PSAP: variants seen among roughly 807,000 people sequenced by gnomAD.
PSAP encodes precursor of saposins.
Under a neutral mutation model 66.0 loss-of-function variants are expected in PSAP, and 25 were observed. The ratio of observed to expected loss-of-function variants is 0.38; its 90% CI spans 0.28 to 0.53. The LOEUF (loss-of-function observed/expected upper bound fraction) is 0.53, where lower values mean the gene tolerates loss of function less well. Among genes scored for constraint, PSAP ranks in the 20% least tolerant of loss-of-function variants. The pLI is 0.83. For synonymous variants in PSAP, 273 were observed against 258.9 expected (o/e 1.05, Z -0.52); for missense variants, 649 against 668.8 (o/e 0.97, Z 0.33).
intron 11 of PSAP, 134 bp downstream of exon 11, chr10:71,819,331 C>G: frequency 7.3e-7 from 1 of 1,364,782 alleles, no homozygotes. Flanking sequence ...AACAAATCAC[C>G]TCCAAGTAAA....
In PSAP at chr10:71,822,135, C is replaced by A. The variant is rs565578366; in HGVS notation, c.778-128G>T. 8.1e-5 allele frequency: 105 copies of A among 1,291,282 alleles called. 2 individuals carry two copies. The South Asian group carries it at 1.2e-3, about 15-fold the overall frequency. The allele number at this position is 1,291,282 out of a possible 1,614,324, so 80.0% of individuals were successfully genotyped here. A position where few individuals can be genotyped will look rare whatever the true frequency, so the allele number is the denominator to read the frequency against. On this transcript the variant is annotated intron_variant, in intron 7 of 13. Transcript: ENST00000394936. ...AGGTCAAGGCTACCTCCCTCTCCCC[C>A]TCCCACAACGGGGCAGATTCCAGTT... is the stretch of plus-strand genomic sequence containing the variant.
Position 71,819,459 on chromosome 10 carries a change from G to A in PSAP, c.1350+6C>T, listed in dbSNP as rs1350157412. 1 of 1,614,016 alleles carries A rather than the reference G, an allele frequency of 6.2e-7. No individual in the cohort carries two copies. Among genetic ancestry groups the A allele is most frequent in the South Asian group, 1.1e-5 (1 of 91,088 alleles). ...CTGGCCTACCGCAGCCCAGCCCGGG[G>A]CGTACCTGCTTCTGGTAAGGGTCTG... On this transcript the variant is annotated splice_donor_region_variant and intron_variant, in intron 11 of 13. Transcript: ENST00000394936.
At position 71,836,444 on chromosome 10, in the gene PSAP, T is replaced by C. The variant is rs562101579; in HGVS notation, c.41-1939A>G. Among the ~76,000 whole-genome samples the C allele has an allele frequency of 4.6e-5, 7 of 152,220 alleles. No homozygotes were observed. In the South Asian group the frequency reaches 1.4e-3, roughly 32 times the overall value. On this transcript the variant is annotated intron_variant, in intron 1 of 13. Transcript: ENST00000394936. ...ACAGCACAAATAGGAACCCCAGACCTGATGACTCCCACCACACCCTAGCAG... is the reference window on the plus strand; with the variant it reads ...ACAGCACAAATAGGAACCCCAGACCCGATGACTCCCACCACACCCTAGCAG...
chr10:71,843,930 A>T (rs1359953120), intron 1 of PSAP, among the ~76,000 whole-genome samples: 1 of 152,232 alleles, frequency 6.6e-6, no homozygotes, highest in Non-Finnish European at 1.5e-5. Context: ...GGAAGGGTAT[A>T]CAGGAACTCA....
At chr10:71,843,684 T>C (rs1407748917) in intron 1 of PSAP, among the ~76,000 whole-genome samples, 1 of 152,068 alleles carries the variant, frequency 6.6e-6, no homozygotes. Context: ...AAAAGACACA[T>C]CCATACAATG....
chr10:71,841,974 C>T (rs896484229), intron 1 of PSAP, among the ~76,000 whole-genome samples: 1 of 151,454 alleles, frequency 6.6e-6, no homozygotes, highest in African/African-American at 2.4e-5. Context: ...CCACTGCACT[C>T]CAACCTGGGT....
At chr10:71,821,546 G>T (rs779414960) in intron 8 of PSAP, among the ~76,000 whole-genome samples, 1 of 152,196 alleles carries the variant, frequency 6.6e-6, no homozygotes, top group African/African-American at 2.4e-5. Context: ...ACAGGATGGG[G>T]AAGGACCCAG....
chr10:71,829,073 C>G lies in PSAP; in HGVS notation c.380G>C (p.Arg127Pro), dbSNP rs886047151. ...ILDIIKGEMS[R>P]PGEVCSALNL... ...GAGAGCAGAGCACACCTCCCCAGGA[C>G]GGCTCTGGTGGGATGGAAAGAAGTC... is the stretch of plus-strand genomic sequence containing the variant. Residue 127 changes from arginine to proline, a missense_variant, in exon 5 of 14, where the codon CGT becomes CCT. Arg to Pro is a moderately radical substitution (Grantham distance 103). Transcript: ENST00000394936. The G allele has an allele frequency of 1.9e-6, 3 of 1,613,824 alleles. No individual in the cohort carries two copies. Among genetic ancestry groups the G allele is most frequent in the Non-Finnish European group, 2.5e-6 (3 of 1,179,844 alleles).
At chr10:71,819,302 C>A in intron 11 of PSAP, 163 bp downstream of exon 11, 2 of 1,156,050 alleles carry the variant, frequency 1.7e-6, no homozygotes, top group Non-Finnish European at 2.5e-6. Context: ...TTGCTTCCCC[C>A]AGTGGCTCAT....
intron 5 of PSAP, 66 bp downstream of exon 5, chr10:71,828,811 T>TCCC: frequency 6.4e-7 from 1 of 1,570,366 alleles, no homozygotes. Context: ...GCCCTCTCTG[T>TCCC]CCCTTTGGTC....
chr10:71,822,143 A>C, intron 7 of PSAP, 136 bp from the exon 8 acceptor site: 19 of 1,150,676 alleles, frequency 1.7e-5, no homozygotes, highest in Non-Finnish European at 2.3e-5. Flanking sequence ...CCCTCCCACA[A>C]CGGGGCAGAT....
Position 71,834,519 on chromosome 10 carries a change from C to T in PSAP, c.41-14G>A. 6.2e-7 allele frequency: 1 copy of T among 1,613,260 alleles called. No homozygotes were observed. Among genetic ancestry groups the T allele is most frequent in the Non-Finnish European group, 8.5e-7 (1 of 1,179,726 alleles). ...GGCCGGCTAGAGCTAAAATGAAAAC[C>T]AACGTGAGGAGGTGGCCCATTTTGT... On this transcript the variant is annotated splice_polypyrimidine_tract_variant and intron_variant, in intron 1 of 13. Transcript: ENST00000394936.
At chr10:71,821,643 C>T (rs1383679005) in intron 8 of PSAP, among the ~76,000 whole-genome samples, 2 of 152,130 alleles carry the variant, frequency 1.3e-5, no homozygotes, top group African/African-American at 4.8e-5. Context: ...GCTAATGATC[C>T]CACGAACATT....
At chr10:71,827,138 T>G (rs531835771) in intron 6 of PSAP, among the ~76,000 whole-genome samples, 1 of 152,224 alleles carries the variant, frequency 6.6e-6, no homozygotes, top group East Asian at 1.9e-4. Flanking sequence ...GGCTCACGCC[T>G]GTAATCCCAG....
At position 71,828,041 on chromosome 10, in the gene PSAP, G is replaced by T; in HGVS notation, c.693C>A (p.Asp231Glu). The change falls in exon 6 of 14, where the codon GAC becomes GAA. Residue 231 changes from aspartate (D) to glutamate (E), a missense_variant. By Grantham distance (45) the Asp-to-Glu change is conservative. Transcript: ENST00000394936. ...ALVEHVKEECDRLGPGMADIC... is the reference protein window; with the variant it reads ...ALVEHVKEECERLGPGMADIC... ...TGTCGGCCATGCCAGGGCCCAGGCG[G>T]TCACACTCCTCCTTGACATGTTCCA... 1 of 1,614,178 alleles carries T rather than the reference G, an allele frequency of 6.2e-7. No individual in the cohort carries two copies. The highest frequency in any genetic ancestry group is 8.5e-7 in the Non-Finnish European group (1 of 1,180,028).
chr10:71,849,125 C>T (rs1382167026), intron 1 of PSAP, among the ~76,000 whole-genome samples: 1 of 152,052 alleles, frequency 6.6e-6, no homozygotes, highest in Non-Finnish European at 1.5e-5. Flanking sequence ...AAAAAAATTG[C>T]CCTGAATCAG....
chr10:71,843,267 G>C (rs541781082), intron 1 of PSAP, among the ~76,000 whole-genome samples: 107 of 152,256 alleles, frequency 7.0e-4, no homozygotes, highest in South Asian at 1.5e-3. Context: ...AGAAGGAAGG[G>C]GCCAGAAGGC....
intron 4 of PSAP, 104 bp downstream of exon 4, chr10:71,831,022 A>C (rs1413046545): frequency 3.3e-6 from 5 of 1,534,994 alleles, no homozygotes; most frequent in Non-Finnish European, 4.5e-6. Context: ...GAGGAATTCC[A>C]GAGCTAAGAA....
Position 71,851,167 on chromosome 10 carries a change from G to C in PSAP, c.40+15C>G, listed in dbSNP as rs1231288541. 2 of 1,550,886 alleles carry C rather than the reference G, an allele frequency of 1.3e-6. No homozygotes were observed. Among genetic ancestry groups the C allele is most frequent in the East Asian group, 4.9e-5 (2 of 40,914 alleles). On this transcript the variant is annotated intron_variant, in intron 1 of 13. Coordinates refer to ENST00000394936, the MANE Select transcript of PSAP (RefSeq NM_002778.4). Reference sequence around the variant, plus strand: ...CGAGGCACCTCCTCCCCAGGATGAGGGTCCCAGGGCTTACCCGCGCCCAGG... The same window carrying C: ...CGAGGCACCTCCTCCCCAGGATGAGCGTCCCAGGGCTTACCCGCGCCCAGG...
Sources: gnomAD v4.1 joint callset for allele counts (sites outside exome capture counted in the v4.1 genomes callset) on GRCh38, gnomAD v4.1.1 for gene constraint, MANE v1.5 for transcripts, NCBI Gene and HGNC (gene_info 2026-07-23, HGNC 2026-07-21) for gene names.